ZIM2: variants seen among roughly 807,000 people sequenced by gnomAD.
ZIM2 encodes zinc finger protein 656.
A neutral mutation model predicts 38.6 loss-of-function variants in ZIM2; 14 were observed. The ratio of observed to expected loss-of-function variants is 0.36; its 90% confidence interval spans 0.24 to 0.57. The LOEUF (loss-of-function observed/expected upper bound fraction) is 0.57. Ranked by LOEUF, ZIM2 falls within the 20% of genes least tolerant of loss-of-function variation. The pLI, the probability that ZIM2 is intolerant of heterozygous loss-of-function variation, is 0.81. For missense variants in ZIM2, 680 were observed against 695.1 expected (o/e 0.98, Z 0.24); for synonymous variants, 247 against 245.8 (o/e 1.00, Z -0.04).
At chr19:56,782,237 G>A in intron 10 of ZIM2, 116 bp from the exon 11 acceptor site, 1 of 1,371,936 alleles carries the variant, frequency 7.3e-7, no homozygotes, top group Non-Finnish European at 9.9e-7. Context: ...ACCTGGCATT[G>A]CATCTTTCTT....
At chr19:56,828,852 G>A (rs1383411606) in intron 2 of ZIM2, among the ~76,000 whole-genome samples, 1 of 152,082 alleles carries the variant, frequency 6.6e-6, no homozygotes, top group African/African-American at 2.4e-5. Context: ...CCTGTCGAAT[G>A]GGCAAATGTT....
intron 9 of ZIM2, chr19:56,817,105 T>G: frequency 6.2e-7 from 1 of 1,614,054 alleles, no homozygotes; most frequent in Non-Finnish European, 8.5e-7. Flanking sequence ...TGCCCCAAAA[T>G]CAATTGGCTG....
At position 56,811,968 on chromosome 19, in the gene ZIM2, T is replaced by C. The variant is rs2059570237; in HGVS notation, c.490+5778A>G. 4 of 985,312 alleles carry C rather than the reference T, an allele frequency of 4.1e-6. No individual in the cohort carries two copies. The South Asian group carries it at 1.9e-4, about 46-fold the overall frequency. 61.0% of individuals were successfully genotyped at this position (985,312 alleles called of 1,614,324 possible). A position where few individuals can be genotyped will look rare whatever the true frequency, so the allele number is the denominator to read the frequency against. ...CTTCTTGCTCTCAGCTCTACAATCTTCCTAAACTTTGACACTCCCTGCATC... is the reference window on the plus strand; with the variant it reads ...CTTCTTGCTCTCAGCTCTACAATCTCCCTAAACTTTGACACTCCCTGCATC... On this transcript the variant is annotated intron_variant, in intron 9 of 12. Coordinates refer to ENST00000629319, the MANE Select transcript of ZIM2 (RefSeq NM_001387356.1).
At chr19:56,812,060 G>A in intron 9 of ZIM2, 1 of 982,664 alleles carries the variant, frequency 1.0e-6, no homozygotes. Flanking sequence ...ATTTCCCCCA[G>A]TGGGTACTTT....
chr19:56,822,783 G>C lies in ZIM2; in HGVS notation c.160C>G (p.Arg54Gly). 6.2e-7 allele frequency: 1 copy of C among 1,614,140 alleles called. No individual in the cohort carries two copies. The highest frequency in any genetic ancestry group is 2.2e-5 in the East Asian group (1 of 44,884). Residue 54 changes from arginine (R) to glycine (G), a missense_variant, in exon 6 of 13, where the codon CGC becomes GGC. Physicochemically the swap from Arg to Gly is moderately radical, Grantham distance 125. Coordinates refer to ENST00000629319, the MANE Select transcript of ZIM2 (RefSeq NM_001387356.1). ...CTTGGGTTCCTGGTGTGGGACCAGC[G>C]GTCTCGTGGCTCCATGTCTCTGCTT... Reference protein sequence around the residue: ...GRSRDMEPRDRWSHTRNPRSR... With the variant: ...GRSRDMEPRDGWSHTRNPRSR...
chr19:56,814,625 G>C lies in ZIM2; in HGVS notation c.490+3121C>G. The C allele has an allele frequency of 6.2e-7, 1 of 1,614,146 alleles. No individual in the cohort carries two copies. On this transcript the variant is annotated intron_variant, in intron 9 of 12. Coordinates refer to ENST00000629319, the MANE Select transcript of ZIM2 (RefSeq NM_001387356.1). This position sits in a 1 kb window ranked among gnomAD's most constrained non-coding sequence, Gnocchi z 5.8. ...AGTCTCTCTTCGGTCTGACTTCTCT[G>C]AAACTCAGTGAGGGCTAAGCCTGGA...
chr19:56,815,605 C>T, intron 9 of ZIM2: 4 of 1,614,126 alleles, frequency 2.5e-6, no homozygotes, highest in Non-Finnish European at 3.4e-6. Context: ...GGTCTCATTG[C>T]TCCTATGCTC....
At chr19:56,786,222 G>A (rs2046596501) in intron 10 of ZIM2, among the ~76,000 whole-genome samples, 2 of 152,170 alleles carry the variant, frequency 1.3e-5, no homozygotes, top group Non-Finnish European at 1.5e-5. Context: ...AAGAAGAATA[G>A]TATGTGTTCA....
intron 3 of ZIM2, among the ~76,000 whole-genome samples, chr19:56,826,023 A>G (rs1029825277): frequency 2.6e-5 from 4 of 152,088 alleles, no homozygotes; most frequent in Admixed American, 1.3e-4. Context: ...GCACCATCCA[A>G]TGCAAATGCC....
At chr19:56,824,991 C>G (rs1170901415) in intron 3 of ZIM2, 2 of 247,768 alleles carry the variant, frequency 8.1e-6, no homozygotes, top group Non-Finnish European at 1.6e-5. Flanking sequence ...GGCAACTTGT[C>G]TAATGCCCTA....
chr19:56,775,499 T>C lies in ZIM2; in HGVS notation c.866A>G (p.His289Arg). ...CAAAAGTTTCTCTTGGTTGCCCTGG[T>C]GTGGTTCCAATGGATCATCATGAGA... is the stretch of plus-strand genomic sequence containing the variant. Reference protein sequence around the residue: ...GESHDDPLEPHQGNQEKLLTP... With the variant: ...GESHDDPLEPRQGNQEKLLTP... The change falls in exon 13 of 13, where the codon CAC becomes CGC. Residue 289 changes from histidine (H) to arginine (R), a missense_variant. Physicochemically the swap from His to Arg is conservative, Grantham distance 29. Coordinates refer to ENST00000629319, the MANE Select transcript of ZIM2 (RefSeq NM_001387356.1). 3 of 1,613,278 alleles carry C rather than the reference T, an allele frequency of 1.9e-6. No homozygotes were observed. Among genetic ancestry groups the C allele is most frequent in the Non-Finnish European group, 2.5e-6 (3 of 1,179,776 alleles).
chr19:56,774,743 G>A lies in ZIM2; in HGVS notation c.1622C>T (p.Thr541Ile). Residue 541 changes from threonine to isoleucine, a missense_variant, in exon 13 of 13, where the codon ACT becomes ATT. By Grantham distance (89) the Thr-to-Ile change is moderately conservative. Coordinates refer to ENST00000629319, the MANE Select transcript of ZIM2 (RefSeq NM_001387356.1). ...GKCFGRPSYL[T>I]QHYQLHSQEK... ...TTGAGAATGGAGTTGATAATGTTGA[G>A]TGAGGTATGAGGGTCGGCCGAAACA... The A allele has an allele frequency of 3.1e-6, 5 of 1,614,172 alleles. No homozygotes were observed. Among genetic ancestry groups the A allele is most frequent in the Non-Finnish European group, 4.2e-6 (5 of 1,180,036 alleles).
intron 7 of ZIM2, among the ~76,000 whole-genome samples, chr19:56,819,074 G>C (rs1412819698): frequency 6.6e-6 from 1 of 152,218 alleles, no homozygotes; most frequent in East Asian, 1.9e-4. Flanking sequence ...AGTGTGCAAA[G>C]GTTTGTGGAG....
chr19:56,818,476 TTTC>T (rs2060188398), intron 8 of ZIM2, 121 bp downstream of exon 8: 1 of 1,047,962 alleles, frequency 9.5e-7, no homozygotes, highest in Non-Finnish European at 1.4e-6. Context: ...CTTTCAAAGA[TTTC>T]TTATTACCCT....
chr19:56,805,116 C>T (rs1247939557), intron 9 of ZIM2, among the ~76,000 whole-genome samples: 1 of 152,180 alleles, frequency 6.6e-6, no homozygotes, highest in Non-Finnish European at 1.5e-5. Context: ...TGGGTCGGTT[C>T]ATTCTGTGTC....
intron 9 of ZIM2, among the ~76,000 whole-genome samples, chr19:56,805,258 G>A (rs535757197): frequency 1.3e-5 from 2 of 152,232 alleles, no homozygotes; most frequent in East Asian, 3.9e-4. Flanking sequence ...TCCCCTGGAG[G>A]GCAAATCGTT....
At chr19:56,812,983 T>C (rs769638373) in intron 9 of ZIM2, 3 of 985,764 alleles carry the variant, frequency 3.0e-6, no homozygotes, top group Non-Finnish European at 3.6e-6. Context: ...GCAGATGAAA[T>C]GGCTGCAGAA....
At chr19:56,819,271 A>G (rs537370401) in intron 7 of ZIM2, among the ~76,000 whole-genome samples, 1 of 152,350 alleles carries the variant, frequency 6.6e-6, no homozygotes, top group South Asian at 2.1e-4. Flanking sequence ...ATGGCATAGC[A>G]TGGCTACATT....
intron 12 of ZIM2, among the ~76,000 whole-genome samples, chr19:56,778,179 G>C (rs779370728): frequency 6.6e-6 from 1 of 152,186 alleles, no homozygotes; most frequent in Non-Finnish European, 1.5e-5. Context: ...CAAGCTCTAT[G>C]AAGGAAGAGA....
Sources: allele counts gnomAD v4.1 joint callset (sites outside exome capture counted in the v4.1 genomes callset), GRCh38; gene constraint gnomAD v4.1.1; non-coding constraint Gnocchi (gnomAD v3.1); transcripts MANE v1.5; gene names NCBI Gene and HGNC (gene_info 2026-07-23, HGNC 2026-07-21).